ADAMTSL1: variants seen among roughly 807,000 people sequenced by gnomAD.
ADAMTSL1 encodes ADAMTS-like protein 1.
Under a neutral mutation model 201.8 loss-of-function variants are expected in ADAMTSL1, and 126 were observed. The ratio of observed to expected loss-of-function variants is 0.62; its 90% CI spans 0.54 to 0.72. The LOEUF is 0.72. ADAMTSL1 is among the 30% of genes least tolerant of loss of function. The probability of loss-of-function intolerance (pLI) is 0.00; values close to 1 mark genes in which losing one functional copy is unlikely to be tolerated. For synonymous variants in ADAMTSL1, 1,121 were observed against 903.4 expected (o/e 1.24, Z -4.32); for missense variants, 2,679 against 2,277.8 (o/e 1.18, Z -3.59).
intron 1 of ADAMTSL1, among the ~76,000 whole-genome samples, chr9:18,036,332 A>C (rs537321011): frequency 6.6e-6 from 1 of 152,188 alleles, no homozygotes; most frequent in Non-Finnish European, 1.5e-5. Flanking sequence ...AGGCCCGTGG[A>C]TTCTCCGTAT....
At chr9:18,321,543 C>A (rs1834619501) in intron 2 of ADAMTSL1, among the ~76,000 whole-genome samples, 1 of 152,156 alleles carries the variant, frequency 6.6e-6, no homozygotes, top group South Asian at 2.1e-4. Context: ...CCTGTAATCC[C>A]AGCACTTTGG....
chr9:18,347,920 CAG>C (rs902865220), intron 2 of ADAMTSL1, among the ~76,000 whole-genome samples: 1 of 152,138 alleles, frequency 6.6e-6, no homozygotes, highest in Non-Finnish European at 1.5e-5. Flanking sequence ...TGTTTCTTAA[CAG>C]AGGTGACCTG....
chr9:18,809,817 G>A (rs1217242258), intron 20 of ADAMTSL1, among the ~76,000 whole-genome samples: 2 of 152,002 alleles, frequency 1.3e-5, no homozygotes, highest in African/African-American at 4.8e-5. Context: ...AAGAAAAAGA[G>A]CTTGAAGTTT....
chr9:18,558,715 A>G (rs1338135347), intron 3 of ADAMTSL1, among the ~76,000 whole-genome samples: 2 of 152,166 alleles, frequency 1.3e-5, no homozygotes, highest in Admixed American at 6.5e-5. Context: ...AACTGGCATG[A>G]TATGGTATCT....
intron 1 of ADAMTSL1, among the ~76,000 whole-genome samples, chr9:17,976,209 T>G (rs911799234): frequency 6.8e-6 from 1 of 146,684 alleles, no homozygotes; most frequent in Non-Finnish European, 1.5e-5. Flanking sequence ...TTTGGGGATC[T>G]TTTGTGATTT....
chr9:18,581,862 T>G (rs1460769932), intron 4 of ADAMTSL1, among the ~76,000 whole-genome samples: 1 of 152,164 alleles, frequency 6.6e-6, no homozygotes, highest in African/African-American at 2.4e-5. Flanking sequence ...AGGCAGCCCT[T>G]CCCTCTCAGC....
intron 1 of ADAMTSL1, among the ~76,000 whole-genome samples, chr9:18,055,396 T>C (rs989822659): frequency 1.3e-5 from 2 of 152,308 alleles, no homozygotes; most frequent in East Asian, 1.9e-4. Context: ...TCAAAGGAAG[T>C]GTGTAGAAGT....
intron 5 of ADAMTSL1, among the ~76,000 whole-genome samples, chr9:18,629,744 C>T (rs1826625514): frequency 6.6e-6 from 1 of 152,010 alleles, no homozygotes; most frequent in African/African-American, 2.4e-5. Flanking sequence ...CACAAAATGG[C>T]CTCAAACGAT....
At chr9:18,304,336 T>A (rs1833824826) in intron 2 of ADAMTSL1, among the ~76,000 whole-genome samples, 1 of 148,036 alleles carries the variant, frequency 6.8e-6, no homozygotes, top group Non-Finnish European at 1.5e-5. Flanking sequence ...AGGAATAGAG[T>A]TTTGAAAAAA....
intron 4 of ADAMTSL1, among the ~76,000 whole-genome samples, chr9:18,602,825 G>A (rs1217134345): frequency 1.3e-5 from 2 of 152,160 alleles, no homozygotes; most frequent in Admixed American, 6.6e-5. Context: ...GACACATGAA[G>A]TTAAGTAGGT....
intron 1 of ADAMTSL1, among the ~76,000 whole-genome samples, chr9:17,937,819 T>G (rs765811327): frequency 1.1e-4 from 16 of 152,198 alleles, no homozygotes; most frequent in Non-Finnish European, 1.6e-4. Context: ...TAATGCTTCC[T>G]TTTAAAACAC....
At chr9:18,456,117 G>T (rs1294640259) in intron 2 of ADAMTSL1, among the ~76,000 whole-genome samples, 1 of 152,192 alleles carries the variant, frequency 6.6e-6, no homozygotes, top group South Asian at 2.1e-4. Context: ...AGTGATTCCA[G>T]TTTGGCTATA....
chr9:17,953,991 G>T (rs73416865), intron 1 of ADAMTSL1, among the ~76,000 whole-genome samples: 3 of 152,082 alleles, frequency 2.0e-5, no homozygotes, highest in Admixed American at 2.0e-4. Context: ...TCTACATCAC[G>T]TGCCTATTTA....
intron 1 of ADAMTSL1, among the ~76,000 whole-genome samples, chr9:18,071,156 G>A (rs529144683): frequency 5.9e-5 from 9 of 152,350 alleles, no homozygotes; most frequent in Admixed American, 1.3e-4. Context: ...CTGTGACAGA[G>A]CCACTGTGGG....
chr9:18,425,015 C>G (rs964925016), intron 2 of ADAMTSL1, among the ~76,000 whole-genome samples: 1 of 152,094 alleles, frequency 6.6e-6, no homozygotes, highest in African/African-American at 2.4e-5. Flanking sequence ...CAATGCTGAA[C>G]TATTAAAGGA....
intron 2 of ADAMTSL1, among the ~76,000 whole-genome samples, chr9:18,517,000 G>C (rs1399434302): frequency 6.6e-6 from 1 of 152,194 alleles, no homozygotes; most frequent in Admixed American, 6.5e-5. Context: ...TAAATTTCTA[G>C]CTCAAGGCTT....
At chr9:18,890,532 C>T (rs1255884649) in intron 25 of ADAMTSL1, 2 of 455,886 alleles carry the variant, frequency 4.4e-6, no homozygotes, top group Admixed American at 4.7e-5. Flanking sequence ...AATACTTAGG[C>T]AACTGCTTTC....
At chr9:18,338,424 T>C (rs1022064589) in intron 2 of ADAMTSL1, among the ~76,000 whole-genome samples, 1 of 151,982 alleles carries the variant, frequency 6.6e-6, no homozygotes, top group Non-Finnish European at 1.5e-5. Context: ...ACACCTTATG[T>C]AACTGATTAT....
At chr9:18,493,445 T>C (rs1450285046) in intron 1 of ADAMTSL1, among the ~76,000 whole-genome samples, 2 of 152,212 alleles carry the variant, frequency 1.3e-5, no homozygotes, top group African/African-American at 4.8e-5. Context: ...GTTCTCTTTC[T>C]AATCCCAGCA....
Sources: gnomAD v4.1 joint callset for allele counts (sites outside exome capture counted in the v4.1 genomes callset) on GRCh38, gnomAD v4.1.1 for gene constraint, MANE v1.5 for transcripts, NCBI Gene and HGNC (gene_info 2026-07-23, HGNC 2026-07-21) for gene names.